The following NAV2 variants were observed in gnomAD, a reference collection of about 807,000 sequenced individuals.
NAV2 encodes the protein neuron navigator 2.
NAV2 carries 54 observed loss-of-function variants against 223.2 expected under a neutral mutation model. That is an observed-to-expected ratio of 0.24 (90% CI 0.19 to 0.30). The LOEUF (loss-of-function observed/expected upper bound fraction) is 0.30, where lower values mean the gene tolerates loss of function less well. NAV2 is among the 10% of genes least tolerant of loss of function. The pLI is 1.00. For missense variants in NAV2, 2,806 were observed against 3,147.5 expected (o/e 0.89, Z 2.60); for synonymous variants, 1,279 against 1,239.3 (o/e 1.03, Z -0.67).
chr11:20,088,433 T>A (rs1396097447), intron 26 of NAV2, among the ~76,000 whole-genome samples: 1 of 152,196 alleles, frequency 6.6e-6, no homozygotes, highest in East Asian at 1.9e-4. Flanking sequence ...ATGATCCACC[T>A]GCCTCAGCTG....
At chr11:19,557,376 T>A (rs1418569353) in intron 1 of NAV2, among the ~76,000 whole-genome samples, 1 of 152,224 alleles carries the variant, frequency 6.6e-6, no homozygotes, top group Non-Finnish European at 1.5e-5. Context: ...CGGCTTACGA[T>A]GAGTAAACTG....
At position 19,531,572 on chromosome 11, in the gene NAV2, G is replaced by A. The variant is rs371458098; in HGVS notation, c.75+180545G>A. Among the ~76,000 whole-genome samples, 17 of 152,332 alleles carry A rather than the reference G, an allele frequency of 1.1e-4. No homozygotes were observed. In the East Asian group the frequency reaches 2.5e-3, roughly 22 times the overall value. On this transcript the variant is annotated intron_variant, in intron 1 of 37. Transcript: ENST00000360655. Reference sequence around the variant, plus strand: ...TACAAGAGAAAGAAAGGAGTCTATGGTAACTCCAAGATTTTGGCCTGAACA... The same window carrying A: ...TACAAGAGAAAGAAAGGAGTCTATGATAACTCCAAGATTTTGGCCTGAACA...
intron 5 of NAV2, among the ~76,000 whole-genome samples, chr11:19,887,378 G>C (rs1191864215): frequency 6.6e-6 from 1 of 152,036 alleles, no homozygotes. Context: ...GCAGGAAGCA[G>C]AGAAGCATAG....
At chr11:19,817,773 A>T (rs1003831698) in intron 1 of NAV2, among the ~76,000 whole-genome samples, 2 of 152,058 alleles carry the variant, frequency 1.3e-5, no homozygotes, top group Non-Finnish European at 2.9e-5. Context: ...TCACTCTCTT[A>T]ATGGGGAGTA....
intron 1 of NAV2, among the ~76,000 whole-genome samples, chr11:19,458,053 G>A (rs1852018972): frequency 1.3e-5 from 2 of 152,158 alleles, no homozygotes; most frequent in South Asian, 4.1e-4. Flanking sequence ...TCCTATGATG[G>A]TTTGGCAGCA....
At chr11:19,471,208 A>G (rs2041954821) in intron 1 of NAV2, among the ~76,000 whole-genome samples, 2 of 152,152 alleles carry the variant, frequency 1.3e-5, no homozygotes, top group African/African-American at 4.8e-5. Flanking sequence ...ATGGGGATCC[A>G]TGTCAACCAT....
intron 4 of NAV2, among the ~76,000 whole-genome samples, chr11:19,878,981 G>A (rs1454214335): frequency 6.6e-6 from 1 of 152,150 alleles, no homozygotes; most frequent in Admixed American, 6.5e-5. Context: ...AGCAGAGAGT[G>A]TTGAGTAAGT....
intron 6 of NAV2, among the ~76,000 whole-genome samples, chr11:19,927,567 A>G (rs1054798108): frequency 6.6e-6 from 1 of 152,154 alleles, no homozygotes; most frequent in African/African-American, 2.4e-5. Flanking sequence ...CTCTGTCTCA[A>G]AATAAAATAA....
chr11:19,756,405 A>G (rs915206457), intron 1 of NAV2, among the ~76,000 whole-genome samples: 10 of 152,234 alleles, frequency 6.6e-5, no homozygotes, highest in African/African-American at 2.4e-4. Flanking sequence ...TATTCAGACC[A>G]GTACAGGACC....
At chr11:19,546,743 TTA>T (rs1429554312) in intron 1 of NAV2, among the ~76,000 whole-genome samples, 2 of 152,210 alleles carry the variant, frequency 1.3e-5, no homozygotes, top group African/African-American at 4.8e-5. Flanking sequence ...TGTAACCGTT[TTA>T]GTGTTTTTAC....
chr11:19,406,734 T>C (rs543866070), intron 1 of NAV2, among the ~76,000 whole-genome samples: 7 of 152,298 alleles, frequency 4.6e-5, no homozygotes, highest in Admixed American at 2.0e-4. Context: ...CCCTGCCCCA[T>C]CTCCCTATAG....
At chr11:20,023,947 T>A (rs933576288) in intron 11 of NAV2, among the ~76,000 whole-genome samples, 3 of 152,158 alleles carry the variant, frequency 2.0e-5, no homozygotes, top group Non-Finnish European at 4.4e-5. Context: ...GGAGATTACA[T>A]TCAATTTTGA....
intron 1 of NAV2, among the ~76,000 whole-genome samples, chr11:19,698,876 A>C (rs2049425621): frequency 6.6e-6 from 1 of 152,138 alleles, no homozygotes; most frequent in Non-Finnish European, 1.5e-5. Context: ...AAGGAGAAGG[A>C]GGGAGAAGAC....
chr11:19,673,739 G>T (rs556388508), intron 1 of NAV2, among the ~76,000 whole-genome samples: 2 of 152,070 alleles, frequency 1.3e-5, no homozygotes, highest in Non-Finnish European at 2.9e-5. Flanking sequence ...TTCTGCTCTC[G>T]GGGCCTGTTC....
At chr11:19,520,297 G>A (rs1172357869) in intron 1 of NAV2, among the ~76,000 whole-genome samples, 2 of 152,236 alleles carry the variant, frequency 1.3e-5, no homozygotes, top group Admixed American at 1.3e-4. Context: ...GGCACGCACG[G>A]CCAGCTACAG....
intron 1 of NAV2, among the ~76,000 whole-genome samples, chr11:19,615,366 G>T (rs1309708859): frequency 2.0e-5 from 3 of 151,908 alleles, no homozygotes; most frequent in Non-Finnish European, 4.4e-5. Context: ...GTAAAATGGG[G>T]ATAATAATAG....
intron 12 of NAV2, among the ~76,000 whole-genome samples, chr11:20,040,980 G>A (rs1163637558): frequency 6.6e-6 from 1 of 152,160 alleles, no homozygotes; most frequent in African/African-American, 2.4e-5. Context: ...ATGGCTGGAT[G>A]ATTGTTCTTT....
chr11:19,790,936 A>G (rs1041078119), intron 1 of NAV2, among the ~76,000 whole-genome samples: 1 of 151,528 alleles, frequency 6.6e-6, no homozygotes, highest in African/African-American at 2.4e-5. Context: ...TTTATTGGGC[A>G]CTTACTAGGT....
chr11:19,875,136 G>A (rs574499317), intron 4 of NAV2, among the ~76,000 whole-genome samples: 20 of 152,278 alleles, frequency 1.3e-4, no homozygotes, highest in Admixed American at 5.9e-4. Flanking sequence ...CAGCCTGGAT[G>A]ACAAAGTGAG....
Sources: gnomAD v4.1 joint callset for allele counts (sites outside exome capture counted in the v4.1 genomes callset) on GRCh38, gnomAD v4.1.1 for gene constraint, MANE v1.5 for transcripts, NCBI Gene and HGNC (gene_info 2026-07-23, HGNC 2026-07-21) for gene names.